The following MICAL3 variants were observed in gnomAD, a reference collection of about 807,000 sequenced individuals.
MICAL3 encodes [F-actin]-monooxygenase MICAL3.
A neutral mutation model predicts 207.4 loss-of-function variants in MICAL3; 62 were observed. The ratio of observed to expected loss-of-function variants is 0.30; its 90% confidence interval spans 0.24 to 0.37. The LOEUF (loss-of-function observed/expected upper bound fraction) is 0.37, where lower values mean the gene tolerates loss of function less well. Among genes scored for constraint, MICAL3 ranks in the 10% least tolerant of loss-of-function variants. The probability of loss-of-function intolerance (pLI) is 1.00; values close to 1 mark genes in which losing one functional copy is unlikely to be tolerated. For missense variants in MICAL3, 2,368 were observed against 2,635.6 expected (o/e 0.90, Z 2.22); for synonymous variants, 1,077 against 1,069.3 (o/e 1.01, Z -0.14).
intron 21 of MICAL3, among the ~76,000 whole-genome samples, chr22:17,829,811 G>A (rs1178269270): frequency 6.6e-6 from 1 of 152,100 alleles, no homozygotes; most frequent in Non-Finnish European, 1.5e-5. Context: ...GCATAGATGG[G>A]GCCGCATTCC....
At position 17,790,746 on chromosome 22, in the gene MICAL3, G is replaced by C. The variant is rs1228018395; in HGVS notation, c.5995C>G (p.Leu1999Val). ...TGGGTGGGAGCTCAGGACCAGTTAA[G>C]GCTGAAGCCCTTGGACAGCATGGCA... is the stretch of plus-strand genomic sequence containing the variant. The part of the protein sequence containing the change: ...EAAMLSKGFS[L>V]NWS The change falls in exon 32 of 32, where the codon CTT becomes GTT. Residue 1999 changes from leucine (L) to valine (V), a missense_variant. By Grantham distance (32) the Leu-to-Val change is conservative. Transcript: ENST00000441493. 6.2e-7 allele frequency: 1 copy of C among 1,603,564 alleles called. No individual in the cohort carries two copies. The highest frequency in any genetic ancestry group is 1.7e-5 in the Admixed American group (1 of 58,386).
At chr22:17,843,232 C>T (rs941676683) in intron 19 of MICAL3, among the ~76,000 whole-genome samples, 4 of 151,890 alleles carry the variant, frequency 2.6e-5, no homozygotes, top group Admixed American at 1.3e-4. Flanking sequence ...GCTATGGACT[C>T]GGATTTTTGA....
chr22:17,826,239 C>T (rs937489235), intron 22 of MICAL3, among the ~76,000 whole-genome samples: 5 of 151,586 alleles, frequency 3.3e-5, no homozygotes, highest in South Asian at 2.1e-4. Flanking sequence ...GTCCTGCCTG[C>T]CCTCACGTTT....
At chr22:17,884,358 G>T in intron 16 of MICAL3, 4 of 1,589,696 alleles carry the variant, frequency 2.5e-6, no homozygotes, top group Non-Finnish European at 3.4e-6. Flanking sequence ...TCTTGTGTCA[G>T]CTGGGACACA....
chr22:17,948,842 G>C (rs889492484), intron 1 of MICAL3, among the ~76,000 whole-genome samples: 1 of 148,090 alleles, frequency 6.8e-6, no homozygotes, highest in Non-Finnish European at 1.5e-5. Flanking sequence ...GAGCCCAGGA[G>C]GTGGCAGTTG....
chr22:17,850,492 A>G (rs1925209409), intron 19 of MICAL3, among the ~76,000 whole-genome samples: 1 of 142,106 alleles, frequency 7.0e-6, no homozygotes, highest in African/African-American at 2.7e-5. Flanking sequence ...CTCACTGCAA[A>G]CCTCTGCCTC....
intron 16 of MICAL3, among the ~76,000 whole-genome samples, chr22:17,876,182 C>T (rs540030134): frequency 5.3e-5 from 8 of 152,244 alleles, no homozygotes; most frequent in South Asian, 4.1e-4. Context: ...ACATAGCACA[C>T]GTAACAAAAC....
intron 1 of MICAL3, among the ~76,000 whole-genome samples, chr22:17,917,659 AC>A (rs1932617971): frequency 6.6e-6 from 1 of 151,958 alleles, no homozygotes; most frequent in South Asian, 2.1e-4. Flanking sequence ...AGATCCTGCC[AC>A]CCTCCCCAAC....
chr22:18,019,261 T>C (rs767220674), intron 1 of MICAL3: 1 of 153,618 alleles, frequency 6.5e-6, no homozygotes. Context: ...TAGACATTAA[T>C]GGTTGTATTA....
chr22:17,877,135 G>C (rs867265134), intron 16 of MICAL3, among the ~76,000 whole-genome samples: 15 of 121,558 alleles, frequency 1.2e-4, no homozygotes, highest in Admixed American at 1.2e-3. Flanking sequence ...ATGGAGGTTA[G>C]GGAGGTTATG....
chr22:17,896,837 C>G lies in MICAL3; in HGVS notation c.1093G>C (p.Asp365His). Residue 365 changes from aspartate to histidine, a missense_variant, in exon 8 of 32, where the codon GAT (aspartate) becomes CAT (histidine). This residue lies in a region of MICAL3 where 400 missense variants were observed against 547.0 expected (regional missense o/e 0.73). Transcript: ENST00000441493. ...CAAGTGAAGTCAAACATGGCCACAT[C>G]GGGCTGCCCATAGTGATTGATGGCA... is the stretch of plus-strand genomic sequence containing the variant. ...DFAINHYGQP[D>H]VAMFDFTCMY... 6.2e-7 allele frequency: 1 copy of G among 1,614,122 alleles called. No individual in the cohort carries two copies. The highest frequency in any genetic ancestry group is 8.5e-7 in the Non-Finnish European group (1 of 1,180,034).
intron 29 of MICAL3, among the ~76,000 whole-genome samples, chr22:17,792,914 C>T (rs908562112): frequency 1.3e-5 from 2 of 152,232 alleles, no homozygotes; most frequent in Non-Finnish European, 1.5e-5. Context: ...GCATTGCTTT[C>T]GGAGCGTCTC....
At chr22:17,881,072 G>A in intron 16 of MICAL3, 1 of 805,022 alleles carries the variant, frequency 1.2e-6, no homozygotes, top group Admixed American at 2.5e-5. Context: ...ACCACAAACG[G>A]TTTCTACGCA....
chr22:17,979,940 G>A (rs1039444649), intron 1 of MICAL3, among the ~76,000 whole-genome samples: 1 of 152,004 alleles, frequency 6.6e-6, no homozygotes, highest in Admixed American at 6.6e-5. Context: ...CAATCCTCCT[G>A]GCCTCAGCCT....
At chr22:17,969,644 T>TA (rs1220641909) in intron 1 of MICAL3, among the ~76,000 whole-genome samples, 1 of 152,240 alleles carries the variant, frequency 6.6e-6, no homozygotes, top group African/African-American at 2.4e-5. Flanking sequence ...GCAGGACTGT[T>TA]ACTCTGTTCT....
At chr22:17,926,727 CT>C (rs1338563818) in intron 1 of MICAL3, among the ~76,000 whole-genome samples, 1 of 152,222 alleles carries the variant, frequency 6.6e-6, no homozygotes, top group Admixed American at 6.5e-5. Context: ...GTGCAGGCAA[CT>C]GTACCATGCT....
intron 1 of MICAL3, chr22:18,006,368 C>G (rs1923387414): frequency 6.6e-6 from 1 of 152,172 alleles, no homozygotes; most frequent in African/African-American, 2.4e-5. Context: ...GGAGAAGGAG[C>G]ACTAGGTTGA....
chr22:17,915,377 C>T (rs77908154), intron 1 of MICAL3, among the ~76,000 whole-genome samples: 1,633 of 152,282 alleles, frequency 0.011, 34 homozygotes, highest in African/African-American at 0.038. Flanking sequence ...ACCTCCAGGC[C>T]ACTGCACACA....
chr22:17,825,092 C>A (rs1220076194), intron 22 of MICAL3, among the ~76,000 whole-genome samples: 1 of 152,162 alleles, frequency 6.6e-6, no homozygotes, highest in Non-Finnish European at 1.5e-5. Flanking sequence ...GGCCTCCCAG[C>A]CAGGCACAGC....
Sources: gnomAD v4.1 joint callset for allele counts (sites outside exome capture counted in the v4.1 genomes callset) on GRCh38, gnomAD v4.1.1 for gene constraint, gnomAD v4.1.1 regional missense constraint, MANE v1.5 for transcripts, NCBI Gene and HGNC (gene_info 2026-07-23, HGNC 2026-07-21) for gene names.